The following RUNX3 variants were observed in gnomAD, a reference collection of about 807,000 sequenced individuals.
RUNX3 encodes RUNX family transcription factor 3.
A neutral mutation model predicts 27.7 loss-of-function variants in RUNX3; 10 were observed. The ratio of observed to expected loss-of-function variants is 0.36; its 90% CI spans 0.22 to 0.61. The LOEUF (loss-of-function observed/expected upper bound fraction) is 0.61. Ranked by LOEUF, RUNX3 falls within the 20% of genes least tolerant of loss-of-function variation. The probability of loss-of-function intolerance (pLI) is 0.72; values close to 1 mark genes in which losing one functional copy is unlikely to be tolerated. For synonymous variants in RUNX3, 270 were observed against 269.2 expected, an observed-to-expected ratio of 1.00 and a Z score of -0.03; for missense variants, 469 against 629.5, an observed-to-expected ratio of 0.75 and a Z score of 2.73.
At chr1:24,954,370 A>G (rs988371538) in intron 2 of RUNX3, among the ~76,000 whole-genome samples, 1 of 152,208 alleles carries the variant, frequency 6.6e-6, no homozygotes, top group Non-Finnish European at 1.5e-5. Flanking sequence ...CTCTCACCCA[A>G]GGCTTCACTT....
chr1:24,904,138 T>C lies in RUNX3; in HGVS notation c.704-1472A>G, dbSNP rs1156586893. Among the ~76,000 whole-genome samples, 1 of 152,170 alleles carries C rather than the reference T, an allele frequency of 6.6e-6. No homozygotes were observed. Among genetic ancestry groups the C allele is most frequent in the African/African-American group, 2.4e-5 (1 of 41,438 alleles). On this transcript the variant is annotated intron_variant, in intron 4 of 4. Coordinates refer to ENST00000308873, the MANE Select transcript of RUNX3 (RefSeq NM_004350.3). The surrounding 1 kb of genome is among the most constrained non-coding windows in gnomAD (Gnocchi z 5.7). ...CCAGCAGTGGTCCAGAGGTGCAGTC[T>C]GTCCAGCCCAGCAACCCCTCTGTGT...
chr1:24,945,397 A>G (rs550779607), intron 2 of RUNX3, among the ~76,000 whole-genome samples: 14 of 152,118 alleles, frequency 9.2e-5, no homozygotes, highest in African/African-American at 2.9e-4. Flanking sequence ...TAGCTTAAAA[A>G]CCCTCTTTGG....
rs1354889845 is a variant in RUNX3, at chr1:24,900,680, C to T, written c.*1442G>A. 1 of 152,480 alleles carries T rather than the reference C, an allele frequency of 6.6e-6. No homozygotes were observed. The highest frequency in any genetic ancestry group is 1.5e-5 in the Non-Finnish European group (1 of 68,154). The allele number at this position is 152,480 out of a possible 1,614,324, so 9.4% of individuals were successfully genotyped here. On this transcript the variant is annotated 3_prime_UTR_variant, in exon 5 of 5. Transcript: ENST00000308873. ...GTACTCCCCACCTCTCACATCCTGC[C>T]CACCTCCGCCCAGCCTCCTGGACAG...
Position 24,908,089 on chromosome 1 carries a change from G to A in RUNX3, c.545-672C>T, listed in dbSNP as rs946221697. On this transcript the variant is annotated intron_variant, in intron 3 of 4. Coordinates refer to ENST00000308873, the MANE Select transcript of RUNX3 (RefSeq NM_004350.3). ...ACGGTGATCCGAACCTCTACGACAC[G>A]CGGTGATCCGAACCTCTACGACACG... Among the ~76,000 whole-genome samples, 44 of 144,352 alleles carry A rather than the reference G, an allele frequency of 3.0e-4. 1 individual carries two copies. The highest frequency in any genetic ancestry group is 5.4e-4 in the Non-Finnish European group (36 of 66,162). 94.7% of individuals were successfully genotyped at this position (144,352 alleles called of 152,430 possible).
At chr1:24,952,013 A>G (rs2124364859) in intron 2 of RUNX3, among the ~76,000 whole-genome samples, 1 of 152,340 alleles carries the variant, frequency 6.6e-6, no homozygotes, top group African/African-American at 2.4e-5. Context: ...GAAAACACTT[A>G]GACAGTGGCT....
At chr1:24,914,321 G>A (rs1362913025) in intron 3 of RUNX3, among the ~76,000 whole-genome samples, 4 of 152,226 alleles carry the variant, frequency 2.6e-5, no homozygotes, top group East Asian at 1.9e-4. Context: ...CGCCTGGTGC[G>A]GCTGTGACCC....
intron 3 of RUNX3, among the ~76,000 whole-genome samples, chr1:24,908,265 CGGTGATCCAAACCTCTACGACATGT>C (rs1557837422): frequency 2.7e-4 from 41 of 150,436 alleles, no homozygotes; most frequent in Non-Finnish European, 2.8e-4. Context: ...CTACGACACG[CGGTGATCCAAACCTCTACGACATGT>C]GGTGATCCAA....
intron 2 of RUNX3, chr1:24,963,016 G>A (rs1642160107): frequency 1.3e-5 from 2 of 152,206 alleles, no homozygotes. Context: ...AGGGAACAAC[G>A]TTATAATAGC....
Position 24,930,176 on chromosome 1 carries a change from G to A in RUNX3, c.-308C>T, listed in dbSNP as rs2124309597. 1 of 978,574 alleles carries A rather than the reference G, an allele frequency of 1.0e-6. No individual in the cohort carries two copies. Among genetic ancestry groups the A allele is most frequent in the South Asian group, 4.7e-5 (1 of 21,224 alleles). 60.6% of individuals were successfully genotyped at this position (978,574 alleles called of 1,614,324 possible). The stretch of plus-strand genomic sequence containing the variant: ...GCCTGGGCCGCGGCGGGGCCCGCGC[G>A]GGGCTGTGCCGCTGCCGCCGCCTCC... On this transcript the variant is annotated 5_prime_UTR_variant, in exon 1 of 5. Coordinates refer to ENST00000308873, the MANE Select transcript of RUNX3 (RefSeq NM_004350.3). The surrounding 1 kb of genome is among the most constrained non-coding windows in gnomAD (Gnocchi z 4.1).
intron 2 of RUNX3, among the ~76,000 whole-genome samples, chr1:24,944,240 A>G (rs1468266105): frequency 1.3e-5 from 2 of 152,044 alleles, no homozygotes; most frequent in Non-Finnish European, 2.9e-5. Flanking sequence ...CTCTGACCTC[A>G]TCTGCTTCCA....
At chr1:24,906,134 C>T (rs541923417) in intron 4 of RUNX3, among the ~76,000 whole-genome samples, 30 of 152,332 alleles carry the variant, frequency 2.0e-4, no homozygotes, top group African/African-American at 6.3e-4. Flanking sequence ...GAGACCCAGT[C>T]GGCCCCCACC....
At chr1:24,907,741 T>G (rs1287281524) in intron 3 of RUNX3, among the ~76,000 whole-genome samples, 39 of 96,934 alleles carry the variant, frequency 4.0e-4, no homozygotes, top group Admixed American at 5.2e-4. Flanking sequence ...TACAACACAC[T>G]GTGATGTAAA....
At chr1:24,952,917 T>C (rs1019345388) in intron 2 of RUNX3, among the ~76,000 whole-genome samples, 1 of 152,192 alleles carries the variant, frequency 6.6e-6, no homozygotes, top group Non-Finnish European at 1.5e-5. Context: ...ACAGGATCAA[T>C]CTTCCCCCAT....
At chr1:24,946,723 C>G (rs1641617734) in intron 2 of RUNX3, among the ~76,000 whole-genome samples, 1 of 152,132 alleles carries the variant, frequency 6.6e-6, no homozygotes, top group Non-Finnish European at 1.5e-5. Flanking sequence ...GTTGCTGAGA[C>G]CAGTATAGAC....
chr1:24,930,112 C>T lies in RUNX3; in HGVS notation c.-244G>A. On this transcript the variant is annotated 5_prime_UTR_variant, in exon 1 of 5. Transcript: ENST00000308873. The surrounding 1 kb of genome is among the most constrained non-coding windows in gnomAD (Gnocchi z 4.1). Reference sequence around the variant, plus strand: ...CGGCTAGTCCCGCATCCTCGGCGCGCGGCCCCGCGTGCGGCCGCCCCTCGT... The same window carrying T: ...CGGCTAGTCCCGCATCCTCGGCGCGTGGCCCCGCGTGCGGCCGCCCCTCGT... 2 of 979,032 alleles carry T rather than the reference C, an allele frequency of 2.0e-6. No homozygotes were observed. Among genetic ancestry groups the T allele is most frequent in the Non-Finnish European group, 2.4e-6 (2 of 827,520 alleles). The allele number at this position is 979,032 out of a possible 1,614,324, so 60.6% of individuals were successfully genotyped here.
chr1:24,932,656 A>G (rs1007735852), upstream of RUNX3, among the ~76,000 whole-genome samples: 1 of 152,202 alleles, frequency 6.6e-6, no homozygotes, highest in African/African-American at 2.4e-5. Flanking sequence ...GGGAAGACCC[A>G]CAGAACAGGC....
At chr1:24,926,767 G>T (rs1390964003) in intron 2 of RUNX3, among the ~76,000 whole-genome samples, 3 of 152,180 alleles carry the variant, frequency 2.0e-5, no homozygotes, top group African/African-American at 7.2e-5. Flanking sequence ...CTTGGGAAGG[G>T]CGACTCCCAC....
At chr1:24,945,099 CTT>C (rs2124346249) in intron 2 of RUNX3, among the ~76,000 whole-genome samples, 1 of 152,254 alleles carries the variant, frequency 6.6e-6, no homozygotes, top group South Asian at 2.1e-4. Flanking sequence ...TTTTTGCTTG[CTT>C]GGTGTTACAT....
rs1417499517 is a variant in RUNX3, at chr1:24,929,839, G to T, written c.30C>A (p.Ser10Arg). 2.1e-6 allele frequency: 3 copies of T among 1,396,196 alleles called. No homozygotes were observed. The highest frequency in any genetic ancestry group is 2.8e-6 in the Non-Finnish European group (3 of 1,086,060). The allele number at this position is 1,396,196 out of a possible 1,614,324, so 86.5% of individuals were successfully genotyped here. ...CCGGGGAGGGAGGTGTGAAGCGGCG[G>T]CTGGTGCTTGGGTCTACGGGAATAC... MRIPVDPSTSRRFTPPSPAF... is the reference protein window; with the variant it reads MRIPVDPSTRRRFTPPSPAF... The change falls in exon 1 of 5, where the codon AGC becomes AGA. Residue 10 changes from serine (S) to arginine (R), a missense_variant. Around this residue, in one of 3 missense-constraint regions of RUNX3, gnomAD observed 115 missense variants for 118.0 expected, o/e 0.97. Coordinates refer to ENST00000308873, the MANE Select transcript of RUNX3 (RefSeq NM_004350.3).
Sources: allele counts gnomAD v4.1 joint callset (sites outside exome capture counted in the v4.1 genomes callset), GRCh38; gene constraint gnomAD v4.1.1; regional missense constraint gnomAD v4.1.1; non-coding constraint Gnocchi (gnomAD v3.1); transcripts MANE v1.5; gene names NCBI Gene and HGNC (gene_info 2026-07-23, HGNC 2026-07-21).